ARPC3: variants seen among roughly 807,000 people sequenced by gnomAD.
ARPC3 encodes the protein actin related protein 2/3 complex subunit 3.
A neutral mutation model predicts 27.6 loss-of-function variants in ARPC3; 12 were observed. The observed-to-expected ratio is 0.43, with a 90% confidence interval of 0.28 to 0.70. The LOEUF (loss-of-function observed/expected upper bound fraction) is 0.70, where lower values mean the gene tolerates loss of function less well. Among genes scored for constraint, ARPC3 ranks in the 30% least tolerant of loss-of-function variants. The pLI is 0.17. For synonymous variants in ARPC3, 53 were observed against 67.2 expected (o/e 0.79, Z 1.03); for missense variants, 153 against 207.7 (o/e 0.74, Z 1.62).
chr12:110,440,484 C>T (rs1270477936), intron 2 of ARPC3, 96 bp from the exon 3 acceptor site: 7 of 806,314 alleles, frequency 8.7e-6, no homozygotes, highest in African/African-American at 1.7e-5. Flanking sequence ...ATACAACTGT[C>T]AACAGTTGTG....
At chr12:110,440,062 G>A (rs575551114) in intron 3 of ARPC3, among the ~76,000 whole-genome samples, 24 of 152,226 alleles carry the variant, frequency 1.6e-4, no homozygotes, top group African/African-American at 5.1e-4. Context: ...TCCAATAAAG[G>A]TTTATTCATA....
At chr12:110,447,773 AAAACAAAC>A (rs533615315) in intron 1 of ARPC3, among the ~76,000 whole-genome samples, 4 of 152,180 alleles carry the variant, frequency 2.6e-5, no homozygotes, top group Admixed American at 2.0e-4. Context: ...CTCTGTCTCA[AAAACAAAC>A]AAACAAACAA....
chr12:110,443,969 G>GTTTTTTT, intron 2 of ARPC3, among the ~76,000 whole-genome samples: 1 of 146,110 alleles, frequency 6.8e-6, no homozygotes. Context: ...TCCAATTCAG[G>GTTTTTTT]TTTTTTTTTT....
At chr12:110,443,182 A>T (rs1454508930) in intron 2 of ARPC3, 1 of 151,418 alleles carries the variant, frequency 6.6e-6, no homozygotes, top group African/African-American at 2.4e-5. Flanking sequence ...GCAGTGGTGC[A>T]ATCTTGGCTC....
Position 110,445,553 on chromosome 12 carries a change from T to C in ARPC3, c.7-2A>G, listed in dbSNP as rs371484441. On this transcript the variant is annotated splice_acceptor_variant, in intron 1 of 6. Transcript: ENST00000228825. LOFTEE classifies it high-confidence loss of function. The stretch of plus-strand genomic sequence containing the variant: ...ATCCATGAGAGAAGAGTGGTAAGCC[T>C]GTAATGGCAAGCCCAGGAAGAACAC... 1.3e-6 allele frequency: 2 copies of C among 1,597,696 alleles called. No homozygotes were observed. Among genetic ancestry groups the C allele is most frequent in the Non-Finnish European group, 1.7e-6 (2 of 1,165,244 alleles).
intron 2 of ARPC3, among the ~76,000 whole-genome samples, chr12:110,444,061 C>T (rs1056403389): frequency 6.6e-6 from 1 of 151,806 alleles, no homozygotes; most frequent in South Asian, 2.1e-4. Flanking sequence ...CCTCCACCTC[C>T]CAGGTTCAAG....
chr12:110,437,014 A>C (rs2062410036), intron 4 of ARPC3, 70 bp downstream of exon 4: 1 of 1,061,892 alleles, frequency 9.4e-7, no homozygotes, highest in Admixed American at 1.7e-5. Flanking sequence ...AACAAATCCC[A>C]GATGACTGGG....
intron 5 of ARPC3, 166 bp downstream of exon 5, chr12:110,436,391 C>A: frequency 7.7e-7 from 1 of 1,296,938 alleles, no homozygotes. Flanking sequence ...GCATGTCATC[C>A]TTGTTGCCAA....
chr12:110,443,500 T>C (rs930255994), intron 2 of ARPC3, among the ~76,000 whole-genome samples: 5 of 152,154 alleles, frequency 3.3e-5, no homozygotes, highest in Non-Finnish European at 7.3e-5. Context: ...TGGCACAATC[T>C]AGGCCCAGTG....
At chr12:110,447,441 G>A (rs117870920) in intron 1 of ARPC3, among the ~76,000 whole-genome samples, 2,969 of 152,230 alleles carry the variant, frequency 0.02, 42 homozygotes, top group Middle Eastern at 0.082. Context: ...AAAGTAGTAC[G>A]ATTCTGGTCC....
intron 6 of ARPC3, 144 bp downstream of exon 6, chr12:110,435,966 C>T: frequency 1.3e-6 from 1 of 763,904 alleles, no homozygotes; most frequent in South Asian, 1.4e-5. Context: ...ACTCATATTA[C>T]ATACTAGACA....
intron 2 of ARPC3, among the ~76,000 whole-genome samples, chr12:110,444,181 C>T (rs6606685): frequency 3.3e-5 from 5 of 151,806 alleles, no homozygotes; most frequent in Admixed American, 6.6e-5. Flanking sequence ...ATGTTGGTTA[C>T]GCTGGTCTTG....
chr12:110,443,627 T>C (rs2062449807), intron 2 of ARPC3, among the ~76,000 whole-genome samples: 1 of 151,620 alleles, frequency 6.6e-6, no homozygotes, highest in Non-Finnish European at 1.5e-5. Context: ...GAGACAGAGT[T>C]TCACCATGTT....
chr12:110,435,785 G>C (rs1289719275), intron 6 of ARPC3, among the ~76,000 whole-genome samples: 2 of 151,936 alleles, frequency 1.3e-5, no homozygotes, highest in African/African-American at 2.4e-5. Context: ...CATCATGCCT[G>C]GCTAATTTTT....
chr12:110,450,201 T>C (rs1030986926), intron 1 of ARPC3, 54 bp downstream of exon 1: 1 of 1,612,454 alleles, frequency 6.2e-7, no homozygotes, highest in Non-Finnish European at 8.5e-7. Context: ...ACACGGTTTC[T>C]CTCTGCTCTT....
At chr12:110,446,542 C>A (rs927420863) in intron 1 of ARPC3, among the ~76,000 whole-genome samples, 1 of 151,576 alleles carries the variant, frequency 6.6e-6, no homozygotes, top group African/African-American at 2.4e-5. Flanking sequence ...GGTGATCTGC[C>A]CGCCTTGCCC....
chr12:110,436,495 T>G, intron 5 of ARPC3, 62 bp downstream of exon 5: 1 of 1,604,692 alleles, frequency 6.2e-7, no homozygotes, highest in Admixed American at 1.7e-5. Context: ...AGAGGGGTGG[T>G]AGGAAGTCAA....
At chr12:110,445,160 G>A (rs1164156341) in intron 2 of ARPC3, 10 of 349,954 alleles carry the variant, frequency 2.9e-5, no homozygotes, top group South Asian at 1.4e-4. Context: ...CATTCTAGAC[G>A]TAACAGCATT....
chr12:110,436,696 ATAT>A lies in ARPC3; in HGVS notation c.253-16_253-14del, dbSNP rs766067249. 0.02 allele frequency: 14,208 copies of A among 701,536 alleles called. 1,375 individuals are homozygous for A. Among genetic ancestry groups the A allele is most frequent in the East Asian group, 0.028 (894 of 31,710 alleles). The allele number at this position is 701,536 out of a possible 1,614,324, so 43.5% of individuals were successfully genotyped here. A position where few individuals can be genotyped will look rare whatever the true frequency, so the allele number is the denominator to read the frequency against. On this transcript the variant is annotated splice_polypyrimidine_tract_variant and intron_variant, in intron 4 of 6. Transcript: ENST00000228825. ...TTTTGGAATTGCACTGGAAAAAAAA[ATAT>A]ATATATATATATACACACACACACA...
Sources: gnomAD v4.1 joint callset for allele counts (sites outside exome capture counted in the v4.1 genomes callset) on GRCh38, gnomAD v4.1.1 for gene constraint, MANE v1.5 for transcripts, NCBI Gene and HGNC (gene_info 2026-07-23, HGNC 2026-07-21) for gene names.